Variants in PCDH7 observed in about 807,000 individuals in gnomAD.
PCDH7 encodes the protein protocadherin-7.
In PCDH7, 17 loss-of-function variants were observed where a neutral mutation model predicts 58.9. The observed-to-expected ratio is 0.29, with a 90% CI of 0.20 to 0.43. PCDH7 has a LOEUF of 0.43. PCDH7 is among the 20% of genes least tolerant of loss of function. The pLI is 1.00. For synonymous variants in PCDH7, 664 were observed against 616.4 expected, an observed-to-expected ratio of 1.08 and a Z score of -1.14; for missense variants, 1,274 against 1,441.0, an observed-to-expected ratio of 0.88 and a Z score of 1.88.
intron 3 of PCDH7, among the ~76,000 whole-genome samples, chr4:31,065,326 G>C (rs1187873297): frequency 6.6e-6 from 1 of 151,988 alleles, no homozygotes. Flanking sequence ...CACTTTAATA[G>C]CAGTGCTTAG....
intron 1 of PCDH7, among the ~76,000 whole-genome samples, chr4:30,867,291 G>T (rs1734998353): frequency 6.6e-6 from 1 of 152,030 alleles, no homozygotes; most frequent in Admixed American, 6.6e-5. Flanking sequence ...ATGGAGGTGA[G>T]GGTCCGTCTT....
chr4:30,927,870 CA>C (rs1183851366), intron 2 of PCDH7, among the ~76,000 whole-genome samples: 10 of 151,954 alleles, frequency 6.6e-5, no homozygotes, highest in African/African-American at 2.4e-4. Flanking sequence ...AACCAAAAAA[CA>C]AAAAAACCTT....
chr4:30,721,675 A>T lies in PCDH7; in HGVS notation c.253A>T (p.Ser85Cys), dbSNP rs1346740513. ...GATCGACAACCTCACTGGCGAGCTG[A>T]GCACGAGCGAGCGGCGCATCGACCG... is the stretch of plus-strand genomic sequence containing the variant. Residue 85 changes from serine to cysteine, a missense_variant, in exon 1 of 2, where the codon AGC (serine) becomes TGC (cysteine). Physicochemically the swap from Ser to Cys is moderately radical, Grantham distance 112. Around this residue, in one of 3 missense-constraint regions of PCDH7, gnomAD observed 212 missense variants for 255.8 expected, o/e 0.83. Transcript: ENST00000361762. This position sits in a 1 kb window ranked among gnomAD's most constrained non-coding sequence, Gnocchi z 6.7. 6.2e-7 allele frequency: 1 copy of T among 1,613,994 alleles called. No homozygotes were observed. Among genetic ancestry groups the T allele is most frequent in the South Asian group, 1.1e-5 (1 of 91,086 alleles).
chr4:30,942,804 G>A (rs529772587), intron 2 of PCDH7, among the ~76,000 whole-genome samples: 13 of 151,360 alleles, frequency 8.6e-5, no homozygotes, highest in Non-Finnish European at 1.6e-4. Flanking sequence ...AAATATTGTT[G>A]AAATCTAATT....
intron 3 of PCDH7, among the ~76,000 whole-genome samples, chr4:31,069,421 T>A (rs568412424): frequency 6.6e-6 from 1 of 152,122 alleles, no homozygotes; most frequent in South Asian, 2.1e-4. Flanking sequence ...AATTTGGGGC[T>A]TTCTCAGTGA....
intron 1 of PCDH7, among the ~76,000 whole-genome samples, chr4:30,790,722 C>T (rs1336469736): frequency 6.6e-6 from 1 of 152,090 alleles, no homozygotes; most frequent in Non-Finnish European, 1.5e-5. Flanking sequence ...GAGTTCAAGA[C>T]CAGCCTGGGT....
intron 1 of PCDH7, among the ~76,000 whole-genome samples, chr4:30,918,680 A>G (rs1479327137): frequency 3.9e-5 from 6 of 152,134 alleles, no homozygotes; most frequent in Non-Finnish European, 8.8e-5. Flanking sequence ...CTTTTGTATT[A>G]AGATTCAACT....
chr4:30,980,291 A>C (rs754034188), intron 3 of PCDH7, among the ~76,000 whole-genome samples: 5 of 152,228 alleles, frequency 3.3e-5, no homozygotes, highest in Non-Finnish European at 7.3e-5. Context: ...AAGTCACAAT[A>C]ATCTGAAACA....
chr4:30,935,073 A>T (rs1335640779), intron 2 of PCDH7, among the ~76,000 whole-genome samples: 1 of 152,140 alleles, frequency 6.6e-6, no homozygotes, highest in Non-Finnish European at 1.5e-5. Context: ...AGTTATTTAT[A>T]GATACATTAT....
intron 3 of PCDH7, among the ~76,000 whole-genome samples, chr4:30,957,941 C>T (rs1748020355): frequency 6.6e-6 from 1 of 152,056 alleles, no homozygotes; most frequent in South Asian, 2.1e-4. Context: ...AGACAAGAGG[C>T]ACTATTCAAA....
chr4:31,086,752 A>G (rs531049096), intron 3 of PCDH7, among the ~76,000 whole-genome samples: 56 of 152,312 alleles, frequency 3.7e-4, no homozygotes, highest in East Asian at 3.7e-3. Context: ...CATACCTGGC[A>G]TATTAACAGC....
chr4:30,980,911 T>C, intron 3 of PCDH7, among the ~76,000 whole-genome samples: 1 of 152,296 alleles, frequency 6.6e-6, no homozygotes, highest in East Asian at 1.9e-4. Context: ...TGGTGCGATC[T>C]CAGCTACTGC....
intron 3 of PCDH7, among the ~76,000 whole-genome samples, chr4:30,981,871 T>C (rs184317847): frequency 6.6e-6 from 1 of 152,360 alleles, no homozygotes. Context: ...TATTTTACAC[T>C]GTAGAATGCC....
chr4:30,864,579 G>C (rs531516990), intron 1 of PCDH7, among the ~76,000 whole-genome samples: 1 of 151,836 alleles, frequency 6.6e-6, no homozygotes, highest in African/African-American at 2.4e-5. Context: ...CATTTACATG[G>C]ATGACAGACT....
intron 3 of PCDH7, among the ~76,000 whole-genome samples, chr4:31,080,915 T>C (rs1759448240): frequency 6.6e-6 from 1 of 152,166 alleles, no homozygotes; most frequent in South Asian, 2.1e-4. Flanking sequence ...GATGTGATGA[T>C]TTTATAAGGG....
At chr4:31,017,409 A>G (rs948660992) in intron 3 of PCDH7, among the ~76,000 whole-genome samples, 2 of 152,174 alleles carry the variant, frequency 1.3e-5, no homozygotes, top group Admixed American at 6.5e-5. Flanking sequence ...GTTCATATAT[A>G]CACTGGTCCC....
chr4:30,720,763 C>A lies in PCDH7; in HGVS notation c.-660C>A, dbSNP rs1175621893. The A allele has an allele frequency of 6.6e-6, 1 of 152,610 alleles. No homozygotes were observed. Among genetic ancestry groups the A allele is most frequent in the Non-Finnish European group, 1.5e-5 (1 of 68,440 alleles). 9.5% of individuals were successfully genotyped at this position (152,610 alleles called of 1,614,324 possible). On this transcript the variant is annotated 5_prime_UTR_variant, in exon 1 of 2. Transcript: ENST00000361762. This position sits in a 1 kb window ranked among gnomAD's most constrained non-coding sequence, Gnocchi z 4.7. ...TTCATTCTCGATCTGTTGACTGGCTCCCCCGCTGCATGAGCAGAGTCGGAG... is the reference window on the plus strand; with the variant it reads ...TTCATTCTCGATCTGTTGACTGGCTACCCCGCTGCATGAGCAGAGTCGGAG...
At chr4:30,854,706 A>G (rs891839642) in intron 1 of PCDH7, among the ~76,000 whole-genome samples, 3 of 151,942 alleles carry the variant, frequency 2.0e-5, no homozygotes, top group African/African-American at 7.3e-5. Flanking sequence ...AGCCATGCAT[A>G]TTTTTTATAA....
chr4:31,059,342 A>T (rs1398739414), intron 3 of PCDH7, among the ~76,000 whole-genome samples: 1 of 151,964 alleles, frequency 6.6e-6, no homozygotes, highest in African/African-American at 2.4e-5. Flanking sequence ...TTTTGTTCCT[A>T]ATAACACTTC....
Sources: gnomAD v4.1 joint callset for allele counts (sites outside exome capture counted in the v4.1 genomes callset) on GRCh38, gnomAD v4.1.1 for gene constraint, gnomAD v4.1.1 regional missense constraint, Gnocchi (gnomAD v3.1) non-coding constraint, MANE v1.5 for transcripts, NCBI Gene and HGNC (gene_info 2026-07-23, HGNC 2026-07-21) for gene names.